ORC4: variants seen among roughly 807,000 people sequenced by gnomAD.
The protein encoded by ORC4 is origin recognition complex, subunit 4 homolog.
A neutral mutation model predicts 63.9 loss-of-function variants in ORC4; 55 were observed. That is an observed-to-expected ratio of 0.86 (90% CI 0.69 to 1.08). The LOEUF (loss-of-function observed/expected upper bound fraction) is 1.08, where lower values mean the gene tolerates loss of function less well. Among genes scored for constraint, ORC4 ranks in the 50% least tolerant of loss-of-function variants. The pLI, the probability that ORC4 is intolerant of heterozygous loss-of-function variation, is 0.00. For synonymous variants in ORC4, 150 were observed against 168.5 expected (o/e 0.89, Z 0.85); for missense variants, 511 against 504.4 (o/e 1.01, Z -0.13).
intron 8 of ORC4, among the ~76,000 whole-genome samples, chr2:147,948,676 T>C (rs1688786077): frequency 6.6e-6 from 1 of 151,902 alleles, no homozygotes; most frequent in Admixed American, 6.6e-5. Context: ...CCGGCTTTTT[T>C]TTTTTTATAG....
At chr2:148,003,830 C>A (rs1486503381) in intron 1 of ORC4, among the ~76,000 whole-genome samples, 1 of 152,164 alleles carries the variant, frequency 6.6e-6, no homozygotes, top group Non-Finnish European at 1.5e-5. Context: ...TGTCTGTTTG[C>A]AGATGACATG....
intron 1 of ORC4, among the ~76,000 whole-genome samples, chr2:147,979,638 A>C (rs1041050624): frequency 3.3e-5 from 5 of 152,212 alleles, no homozygotes; most frequent in African/African-American, 9.6e-5. Flanking sequence ...TCATGAGCTA[A>C]AGAACAATGC....
rs1289909108 is a variant in ORC4, at chr2:147,934,722, G to A, written c.*788C>T. 1 of 151,982 alleles carries A rather than the reference G, an allele frequency of 6.6e-6. No individual in the cohort carries two copies. The highest frequency in any genetic ancestry group is 1.5e-5 in the Non-Finnish European group (1 of 67,994). 9.4% of individuals were successfully genotyped at this position (151,982 alleles called of 1,614,324 possible). On this transcript the variant is annotated 3_prime_UTR_variant, in exon 14 of 14. Transcript: ENST00000392857. ...ATACTGTAGGCAACTGTAACACAAT[G>A]GTAAAACATTTGTATATTTAGACAT...
chr2:147,955,109 A>T (rs1573779397), intron 7 of ORC4, among the ~76,000 whole-genome samples: 1 of 152,036 alleles, frequency 6.6e-6, no homozygotes, highest in South Asian at 2.1e-4. Flanking sequence ...ATTTATCTCT[A>T]TCAATAATAT....
In ORC4 at chr2:147,935,406, A is replaced by C; in HGVS notation, c.*104T>G. ...AGATGGGCAAGTCTCACATAAATAC[A>C]AGAATGTTTATAGAATGTTTAGCAT... On this transcript the variant is annotated 3_prime_UTR_variant, in exon 14 of 14. Coordinates refer to ENST00000392857, the MANE Select transcript of ORC4 (RefSeq NM_181741.4). 1 of 873,914 alleles carries C rather than the reference A, an allele frequency of 1.1e-6. No homozygotes were observed. The highest frequency in any genetic ancestry group is 1.4e-5 in the South Asian group (1 of 72,126). The allele number at this position is 873,914 out of a possible 1,614,324, so 54.1% of individuals were successfully genotyped here.
chr2:147,983,128 G>A (rs987468915), intron 1 of ORC4, among the ~76,000 whole-genome samples: 1 of 152,130 alleles, frequency 6.6e-6, no homozygotes, highest in African/African-American at 2.4e-5. Flanking sequence ...AATGTATAAT[G>A]GCATGGCTAC....
At chr2:147,956,516 A>G (rs1329190063) in intron 6 of ORC4, among the ~76,000 whole-genome samples, 1 of 152,090 alleles carries the variant, frequency 6.6e-6, no homozygotes, top group African/African-American at 2.4e-5. Context: ...TGTGGGTTGA[A>G]TTAAGTGACT....
Position 147,947,013 on chromosome 2 carries a change from A to G in ORC4, c.762+1038T>C, listed in dbSNP as rs577871354. Reference sequence around the variant, plus strand: ...AAAATACTGCTTACATGAGCAGACTATATTTTATAATCAAACAATAATCAT... The same window carrying G: ...AAAATACTGCTTACATGAGCAGACTGTATTTTATAATCAAACAATAATCAT... On this transcript the variant is annotated intron_variant, in intron 9 of 13. Coordinates refer to ENST00000392857, the MANE Select transcript of ORC4 (RefSeq NM_181741.4). 1.2e-4 allele frequency among the ~76,000 whole-genome samples: 19 copies of G among 152,170 alleles called. No individual in the cohort carries two copies. In the South Asian group the frequency reaches 1.7e-3, roughly 13 times the overall value.
intron 1 of ORC4, among the ~76,000 whole-genome samples, chr2:148,006,437 G>A (rs534855347): frequency 1.3e-5 from 2 of 152,286 alleles, no homozygotes; most frequent in East Asian, 3.9e-4. Flanking sequence ...TGGCCTTGGA[G>A]GTAATGGACT....
At chr2:147,945,506 AC>A (rs1393566662) in intron 9 of ORC4, among the ~76,000 whole-genome samples, 2 of 152,122 alleles carry the variant, frequency 1.3e-5, no homozygotes, top group African/African-American at 4.8e-5. Context: ...ATTATCAACA[AC>A]CACATAAGCT....
intron 1 of ORC4, among the ~76,000 whole-genome samples, chr2:148,000,398 A>G (rs1692228550): frequency 6.6e-6 from 1 of 152,168 alleles, no homozygotes; most frequent in African/African-American, 2.4e-5. Context: ...AAGGGCTTCT[A>G]ATTTTACAAC....
intron 6 of ORC4, among the ~76,000 whole-genome samples, chr2:147,957,088 A>G (rs916899334): frequency 9.4e-5 from 14 of 148,328 alleles, no homozygotes; most frequent in Non-Finnish European, 1.8e-4. Context: ...ATTTTATATT[A>G]ATATTTTTAT....
intron 4 of ORC4, among the ~76,000 whole-genome samples, chr2:147,964,186 AAAG>A (rs1410124346): frequency 2.6e-5 from 4 of 152,224 alleles, no homozygotes; most frequent in African/African-American, 9.6e-5. Flanking sequence ...GTGAAATTCA[AAAG>A]AATACAGATA....
At position 147,939,233 on chromosome 2, in the gene ORC4, G is replaced by T; in HGVS notation, c.865C>A (p.Arg289=). ...LHMLLMLALN[R]VTASHPFMTA... ...ATAAATGGGTGCGATGCTGTTACTC[G>T]ATTTAAAGCAAGCATCTAGGGAAAG... The change falls in exon 11 of 14, where the codon CGA becomes AGA. Residue 289 remains arginine (R), a synonymous_variant. Transcript: ENST00000392857. 1 of 1,610,054 alleles carries T rather than the reference G, an allele frequency of 6.2e-7. No homozygotes were observed. The highest frequency in any genetic ancestry group is 1.1e-5 in the South Asian group (1 of 90,984).
intron 1 of ORC4, among the ~76,000 whole-genome samples, chr2:147,980,112 A>G (rs909119790): frequency 6.6e-6 from 1 of 152,142 alleles, no homozygotes; most frequent in Admixed American, 6.6e-5. Flanking sequence ...AACCTTCAGA[A>G]TAAGTGAAAC....
chr2:147,935,558 A>G lies in ORC4; in HGVS notation c.1263T>C (p.Cys421=). The stretch of plus-strand genomic sequence containing the variant: ...TTGCCCACTGCCTCACATCTGTAGG[A>G]CAGTTGGGATATTTCTGCAGAGCAT... ...IMNALQKYPN[C]PTDVRQWATS... Residue 421 remains cysteine (C), a synonymous_variant, in exon 14 of 14, where the codon TGT becomes TGC. Transcript: ENST00000392857. 1 of 1,613,890 alleles carries G rather than the reference A, an allele frequency of 6.2e-7. No homozygotes were observed. Among genetic ancestry groups the G allele is most frequent in the Non-Finnish European group, 8.5e-7 (1 of 1,179,824 alleles).
At chr2:147,948,334 T>C (rs1688766568) in intron 8 of ORC4, 110 bp from the exon 9 acceptor site, 1 of 695,452 alleles carries the variant, frequency 1.4e-6, no homozygotes. Flanking sequence ...ATTAGTAATG[T>C]TTAGTCTACA....
At chr2:148,005,031 T>C (rs1298795978) in intron 1 of ORC4, among the ~76,000 whole-genome samples, 1 of 152,148 alleles carries the variant, frequency 6.6e-6, no homozygotes, top group East Asian at 1.9e-4. Context: ...AGAAATACCA[T>C]TTGACCCAGC....
intron 2 of ORC4, among the ~76,000 whole-genome samples, chr2:147,973,882 C>A (rs1379490410): frequency 6.6e-6 from 1 of 152,110 alleles, no homozygotes; most frequent in Non-Finnish European, 1.5e-5. Context: ...AGAACTAAGG[C>A]CTTAGACTTA....
Sources: allele counts gnomAD v4.1 joint callset (sites outside exome capture counted in the v4.1 genomes callset), GRCh38; gene constraint gnomAD v4.1.1; transcripts MANE v1.5; gene names NCBI Gene and HGNC (gene_info 2026-07-23, HGNC 2026-07-21).